CRISP2: variants seen among roughly 807,000 people sequenced by gnomAD.
CRISP2 encodes cysteine-rich secretory protein 2.
A neutral mutation model predicts 31.7 loss-of-function variants in CRISP2; 29 were observed. The ratio of observed to expected loss-of-function variants is 0.92; its 90% CI spans 0.68 to 1.25. The LOEUF (loss-of-function observed/expected upper bound fraction) is 1.25. Ranked by LOEUF, CRISP2 falls within the 50% of genes most tolerant of loss-of-function variation. The pLI is 0.00. For synonymous variants in CRISP2, 111 were observed against 101.4 expected, an observed-to-expected ratio of 1.09 and a Z score of -0.57; for missense variants, 318 against 286.5, an observed-to-expected ratio of 1.11 and a Z score of -0.79.
intron 9 of CRISP2, among the ~76,000 whole-genome samples, chr6:49,694,819 C>T (rs1246856487): frequency 1.3e-5 from 2 of 151,346 alleles, no homozygotes; most frequent in Non-Finnish European, 2.9e-5. Flanking sequence ...CTGCAATCTC[C>T]GCCTCCTGGG....
chr6:49,698,582 A>T, intron 6 of CRISP2, 75 bp from the exon 7 acceptor site: 1 of 1,489,520 alleles, frequency 6.7e-7, no homozygotes, highest in Non-Finnish European at 9.0e-7. Flanking sequence ...AAACACAAAG[A>T]TGTTGCCTTT....
chr6:49,702,159 A>G (rs1308484563), intron 4 of CRISP2, among the ~76,000 whole-genome samples: 2 of 113,640 alleles, frequency 1.8e-5, no homozygotes, highest in African/African-American at 6.7e-5. Flanking sequence ...ATATATATAT[A>G]TATATATATA....
At chr6:49,710,968 A>AAAAC (rs1767907036) in intron 3 of CRISP2, among the ~76,000 whole-genome samples, 2 of 152,118 alleles carry the variant, frequency 1.3e-5, no homozygotes, top group Non-Finnish European at 2.9e-5. Flanking sequence ...ATCTCTACTA[A>AAAAC]AAACAAACAA....
chr6:49,696,018 G>A, intron 8 of CRISP2, 94 bp from the exon 9 acceptor site: 3 of 696,996 alleles, frequency 4.3e-6, no homozygotes, highest in Non-Finnish European at 7.0e-6. Context: ...TAGTTATTCA[G>A]GGTTTTTAGT....
At chr6:49,707,543 G>C (rs1389481277) in intron 4 of CRISP2, among the ~76,000 whole-genome samples, 1 of 152,110 alleles carries the variant, frequency 6.6e-6, no homozygotes, top group Admixed American at 6.6e-5. Flanking sequence ...CAGGGGATTG[G>C]AAACAGGTAT....
At chr6:49,706,469 T>C (rs1767048074) in intron 4 of CRISP2, among the ~76,000 whole-genome samples, 1 of 152,196 alleles carries the variant, frequency 6.6e-6, no homozygotes, top group South Asian at 2.1e-4. Context: ...GAAACATAAC[T>C]GATAAGGTAT....
chr6:49,702,146 T>C (rs1348987675), intron 4 of CRISP2, among the ~76,000 whole-genome samples: 1 of 23,382 alleles, frequency 4.3e-5, no homozygotes, highest in African/African-American at 3.9e-4. Context: ...GTACTATATA[T>C]ATATATATAT....
In CRISP2 at chr6:49,698,487, G is replaced by C; in HGVS notation, c.292C>G (p.Leu98Val). ...RKTSTRCGEN[L>V]YMSSDPTSWS... The stretch of plus-strand genomic sequence containing the variant: ...GAAGTAGGGTCACTTGACATATAGA[G>C]ATTCTCACCACATCTTGTACCTAAG... The change falls in exon 7 of 10, where the codon CTC (leucine) becomes GTC (valine). Residue 98 changes from leucine (L) to valine (V), a missense_variant. Transcript: ENST00000339139. 6.2e-7 allele frequency: 1 copy of C among 1,610,640 alleles called. No homozygotes were observed. The highest frequency in any genetic ancestry group is 8.5e-7 in the Non-Finnish European group (1 of 1,178,842).
chr6:49,680,528 T>C, the CRISP2 span, among the ~76,000 whole-genome samples: 1 of 152,220 alleles, frequency 6.6e-6, no homozygotes, highest in African/African-American at 2.4e-5. Context: ...AGTAATGGGA[T>C]TGCTGAGTTG....
the CRISP2 span, among the ~76,000 whole-genome samples, chr6:49,680,863 A>G: frequency 1.3e-5 from 2 of 151,704 alleles, no homozygotes; most frequent in Admixed American, 6.6e-5. Flanking sequence ...TTTTCTTGTA[A>G]ATTTAAGTTT....
At chr6:49,706,603 C>A (rs867341234) in intron 4 of CRISP2, among the ~76,000 whole-genome samples, 1 of 152,088 alleles carries the variant, frequency 6.6e-6, no homozygotes, top group African/African-American at 2.4e-5. Flanking sequence ...AAGGTCCAAG[C>A]ATTTGATGAC....
downstream of CRISP2, among the ~76,000 whole-genome samples, chr6:49,690,497 C>T (rs895872518): frequency 1.3e-5 from 2 of 151,840 alleles, no homozygotes; most frequent in African/African-American, 2.4e-5. Context: ...AATCAAATGA[C>T]AGAAATCAAT....
rs1225783985 is a variant in CRISP2, at chr6:49,692,378, T to C, written c.*395A>G. The C allele has an allele frequency of 6.5e-6, 1 of 154,986 alleles. No homozygotes were observed. Among genetic ancestry groups the C allele is most frequent in the Non-Finnish European group, 1.4e-5 (1 of 70,042 alleles). 9.6% of individuals were successfully genotyped at this position (154,986 alleles called of 1,614,324 possible). ...ACAACGGCAGATGTAAAGCTTTGAA[T>C]TTATTGTTTATGCAAGTAAAAACTC... is the stretch of plus-strand genomic sequence containing the variant. On this transcript the variant is annotated 3_prime_UTR_variant, in exon 10 of 10. Coordinates refer to ENST00000339139, the MANE Select transcript of CRISP2 (RefSeq NM_003296.4).
At chr6:49,694,395 A>T (rs1450836323) in intron 9 of CRISP2, among the ~76,000 whole-genome samples, 1 of 152,194 alleles carries the variant, frequency 6.6e-6, no homozygotes, top group Non-Finnish European at 1.5e-5. Context: ...CCACTGGGGC[A>T]GTGGATTCCT....
chr6:49,687,749 A>G (rs2127377765), downstream of CRISP2, among the ~76,000 whole-genome samples: 1 of 152,306 alleles, frequency 6.6e-6, no homozygotes, highest in Non-Finnish European at 1.5e-5. Context: ...GGAGCCTTTA[A>G]GTTTCACGAT....
At position 49,699,804 on chromosome 6, in the gene CRISP2, T is replaced by C. The variant is rs565604402; in HGVS notation, c.271A>G (p.Ser91Gly). 2.4e-5 allele frequency: 39 copies of C among 1,604,748 alleles called. No individual in the cohort carries two copies. The East Asian group carries it at 8.0e-4, about 33-fold the overall frequency. Residue 91 changes from serine to glycine, a missense_variant and splice_region_variant, in exon 6 of 10, where the codon AGT (serine) becomes GGT (glycine). Physicochemically the swap from Ser to Gly is moderately conservative, Grantham distance 56 (BLOSUM62 0). Transcript: ENST00000339139. ...AACAAATATTTACTAATTTACATACTGGTTTTGCGGTCCTCTGGATCACTA... is the reference window on the plus strand; with the variant it reads ...AACAAATATTTACTAATTTACATACCGGTTTTGCGGTCCTCTGGATCACTA... ...QHSDPEDRKT[S>G]TRCGENLYMS... is the part of the protein sequence containing the mutation.
chr6:49,701,929 AATATATAAT>A (rs1765996279), intron 4 of CRISP2, among the ~76,000 whole-genome samples: 2 of 10,760 alleles, frequency 1.9e-4, no homozygotes, highest in African/African-American at 1.4e-3. Context: ...TATTATATAT[AATATATAAT>A]ATATGTAATA....
the CRISP2 span, among the ~76,000 whole-genome samples, chr6:49,682,451 C>T: frequency 6.7e-6 from 1 of 149,698 alleles, no homozygotes; most frequent in African/African-American, 2.5e-5. Context: ...TCCCTTTCTT[C>T]CTTCCTTCTT....
the CRISP2 span, among the ~76,000 whole-genome samples, chr6:49,682,917 G>T: frequency 6.6e-6 from 1 of 151,320 alleles, no homozygotes; most frequent in South Asian, 2.1e-4. Context: ...TCAGCACTTT[G>T]TGAGGCCGAA....
Sources: gnomAD v4.1 joint callset for allele counts (sites outside exome capture counted in the v4.1 genomes callset) on GRCh38, gnomAD v4.1.1 for gene constraint, MANE v1.5 for transcripts, NCBI Gene and HGNC (gene_info 2026-07-23, HGNC 2026-07-21) for gene names.